PCDH15: variants seen among roughly 807,000 people sequenced by gnomAD.
PCDH15 encodes protocadherin-15.
A neutral mutation model predicts 178.5 loss-of-function variants in PCDH15; 129 were observed. The ratio of observed to expected loss-of-function variants is 0.72; its 90% CI spans 0.63 to 0.84. The LOEUF (loss-of-function observed/expected upper bound fraction) is 0.84, where lower values mean the gene tolerates loss of function less well. Ranked by LOEUF, PCDH15 falls within the 40% of genes least tolerant of loss-of-function variation. The probability of loss-of-function intolerance (pLI) is 0.00; values close to 1 mark genes in which losing one functional copy is unlikely to be tolerated. For synonymous variants in PCDH15, 800 were observed against 732.0 expected, an observed-to-expected ratio of 1.09 and a Z score of -1.50; for missense variants, 2,230 against 2,099.9, an observed-to-expected ratio of 1.06 and a Z score of -1.21.
intron 2 of PCDH15, among the ~76,000 whole-genome samples, chr10:55,072,653 G>A (rs1349526532): frequency 5.9e-5 from 9 of 152,034 alleles, no homozygotes; most frequent in Non-Finnish European, 8.8e-5. Flanking sequence ...ATTCACAGCC[G>A]AATTCTACCA....
chr10:54,624,408 C>G (rs1445266778), intron 2 of PCDH15, among the ~76,000 whole-genome samples: 1 of 152,102 alleles, frequency 6.6e-6, no homozygotes, highest in Non-Finnish European at 1.5e-5. Flanking sequence ...AAGTTATGAA[C>G]ATTAAAAGTG....
intron 15 of PCDH15, among the ~76,000 whole-genome samples, chr10:54,090,816 C>T (rs1332242439): frequency 3.3e-5 from 5 of 152,094 alleles, no homozygotes; most frequent in Admixed American, 3.3e-4. Flanking sequence ...CAAAACCGGG[C>T]TCCAATTGTC....
intron 2 of PCDH15, among the ~76,000 whole-genome samples, chr10:55,458,236 G>T (rs1238188089): frequency 6.6e-6 from 1 of 151,896 alleles, no homozygotes; most frequent in Non-Finnish European, 1.5e-5. Flanking sequence ...ATTGATTTGT[G>T]AATATCTTCT....
intron 2 of PCDH15, among the ~76,000 whole-genome samples, chr10:55,538,875 T>C (rs1415681662): frequency 4.2e-5 from 3 of 71,034 alleles, no homozygotes; most frequent in Admixed American, 1.3e-4. Flanking sequence ...CTTTCCTTCC[T>C]TCCTCCCTTC....
chr10:55,414,831 C>T (rs1173020892), intron 2 of PCDH15, among the ~76,000 whole-genome samples: 1 of 148,508 alleles, frequency 6.7e-6, no homozygotes, highest in Non-Finnish European at 1.5e-5. Flanking sequence ...TGTATAGAGT[C>T]TTTAGGGTTT....
At chr10:54,601,693 T>C (rs1460716938) in intron 2 of PCDH15, among the ~76,000 whole-genome samples, 2 of 152,002 alleles carry the variant, frequency 1.3e-5, no homozygotes, top group African/African-American at 4.8e-5. Context: ...TTACTGGGTA[T>C]ATAGCCAAAG....
chr10:54,943,860 G>C (rs1321950555), intron 2 of PCDH15, among the ~76,000 whole-genome samples: 1 of 135,156 alleles, frequency 7.4e-6, no homozygotes, highest in African/African-American at 2.7e-5. Context: ...GTTTTCCTTG[G>C]CTAGAAAAAA....
At chr10:54,834,193 C>T (rs564427026) in intron 3 of PCDH15, among the ~76,000 whole-genome samples, 9 of 151,314 alleles carry the variant, frequency 5.9e-5, no homozygotes, top group South Asian at 2.1e-4. Flanking sequence ...GTTTTTACTA[C>T]CTTTTTTTTT....
At chr10:54,334,215 G>A (rs1940524471) in intron 6 of PCDH15, among the ~76,000 whole-genome samples, 1 of 152,118 alleles carries the variant, frequency 6.6e-6, no homozygotes, top group Admixed American at 6.6e-5. Flanking sequence ...TGTCAAATAA[G>A]GGACAATTCT....
At chr10:54,515,037 C>T (rs1329608421) in intron 3 of PCDH15, among the ~76,000 whole-genome samples, 1 of 152,186 alleles carries the variant, frequency 6.6e-6, no homozygotes, top group African/African-American at 2.4e-5. Flanking sequence ...GTTTACAGTT[C>T]CCAGCGTGAG....
chr10:55,133,762 G>A (rs1838116546), intron 2 of PCDH15, among the ~76,000 whole-genome samples: 1 of 152,076 alleles, frequency 6.6e-6, no homozygotes, highest in South Asian at 2.1e-4. Context: ...AAGCTAAATT[G>A]TAGAGTCATT....
intron 28 of PCDH15, among the ~76,000 whole-genome samples, chr10:53,842,305 G>A (rs1209276156): frequency 6.6e-6 from 1 of 152,120 alleles, no homozygotes; most frequent in African/African-American, 2.4e-5. Flanking sequence ...CGCCCAGGCT[G>A]GAGTGCAATG....
chr10:54,806,217 C>T (rs1249552157), upstream of PCDH15, among the ~76,000 whole-genome samples: 7 of 152,110 alleles, frequency 4.6e-5, no homozygotes, highest in Non-Finnish European at 4.4e-5. Flanking sequence ...GAATTACATA[C>T]GCTACCTCTT....
At chr10:55,185,195 T>C (rs1839759781) in intron 1 of PCDH15, among the ~76,000 whole-genome samples, 1 of 151,882 alleles carries the variant, frequency 6.6e-6, no homozygotes, top group South Asian at 2.1e-4. Context: ...ACCTAAAATA[T>C]ATTTCTATAC....
intron 2 of PCDH15, among the ~76,000 whole-genome samples, chr10:54,550,488 CTGTGTG>C (rs71010384): frequency 6.6e-6 from 1 of 150,746 alleles, no homozygotes; most frequent in African/African-American, 2.4e-5. Flanking sequence ...GTGTATGTGT[CTGTGTG>C]TGTGTGTGTG....
rs544142312 is a variant in PCDH15 at position 54,586,585 on chromosome 10, C to G, written c.92-58708G>C. Among the ~76,000 whole-genome samples the G allele has an allele frequency of 5.3e-5, 8 of 152,274 alleles. No homozygotes were observed. The East Asian group carries it at 1.5e-3, about 29-fold the overall frequency. On this transcript the variant is annotated intron_variant, in intron 2 of 37. Coordinates refer to ENST00000644397, the MANE Select transcript of PCDH15 (RefSeq NM_001384140.1). ...TATATTGCTTCCTGATATCACATAA[C>G]TAGCAAATGCTAAAGTTTAGTTTGG...
chr10:54,557,016 T>G (rs1398114758), intron 2 of PCDH15, among the ~76,000 whole-genome samples: 1 of 152,140 alleles, frequency 6.6e-6, no homozygotes, highest in African/African-American at 2.4e-5. Flanking sequence ...TGACTTTACT[T>G]TATCAGAATC....
chr10:54,302,447 G>C (rs1368177342), intron 8 of PCDH15, among the ~76,000 whole-genome samples: 1 of 152,140 alleles, frequency 6.6e-6, no homozygotes, highest in African/African-American at 2.4e-5. Flanking sequence ...TTAGAAGGTT[G>C]GGAGGTGATT....
intron 2 of PCDH15, among the ~76,000 whole-genome samples, chr10:55,512,413 T>C (rs1840906117): frequency 6.6e-6 from 1 of 152,086 alleles, no homozygotes; most frequent in South Asian, 2.1e-4. Flanking sequence ...TGTTTTTAGC[T>C]ACTAAAAACC....
Sources: gnomAD v4.1 joint callset for allele counts (sites outside exome capture counted in the v4.1 genomes callset) on GRCh38, gnomAD v4.1.1 for gene constraint, MANE v1.5 for transcripts, NCBI Gene and HGNC (gene_info 2026-07-23, HGNC 2026-07-21) for gene names.